The following SQLE variants were observed in gnomAD, a reference collection of about 807,000 sequenced individuals.
The protein encoded by SQLE is squalene monooxygenase.
In SQLE, 29 loss-of-function variants were observed where a neutral mutation model predicts 60.7. That is an observed-to-expected ratio of 0.48 (90% CI 0.36 to 0.65). The LOEUF is 0.65. SQLE is among the 30% of genes least tolerant of loss of function. The pLI is 0.00. For synonymous variants in SQLE, 237 were observed against 246.8 expected, an observed-to-expected ratio of 0.96 and a Z score of 0.37; for missense variants, 605 against 684.1, an observed-to-expected ratio of 0.88 and a Z score of 1.29.
Position 125,020,809 on chromosome 8 carries a change from C to T in SQLE, c.1470C>T (p.Ala490=). 1 of 1,612,686 alleles carries T rather than the reference C, an allele frequency of 6.2e-7. No individual in the cohort carries two copies. The highest frequency in any genetic ancestry group is 8.5e-7 in the Non-Finnish European group (1 of 1,179,024). ...TDDSLHQLRK[A]CFLYFKLGGE... Reference sequence around the variant, plus strand: ...ATTCCCTGCATCAACTAAGAAAAGCCTGTTTTCTTTATTTCAAACTTGGTG... The same window carrying T: ...ATTCCCTGCATCAACTAAGAAAAGCTTGTTTTCTTTATTTCAAACTTGGTG... Residue 490 remains alanine (A), a synonymous_variant, in exon 10 of 11, where the codon GCC becomes GCT. Transcript: ENST00000265896.
chr8:125,003,109 C>T, intron 1 of SQLE, 67 bp from the exon 2 acceptor site: 2 of 1,463,330 alleles, frequency 1.4e-6, no homozygotes, highest in Admixed American at 5.1e-5. Flanking sequence ...AGTGTGTCCA[C>T]ATAGCGGTAG....
chr8:125,013,356 CTTTTTTTTT>C (rs1554588049), intron 7 of SQLE, among the ~76,000 whole-genome samples: 1 of 136,450 alleles, frequency 7.3e-6, no homozygotes, highest in African/African-American at 2.8e-5. Flanking sequence ...TTTTCTTTTT[CTTTTTTTTT>C]TTTTGAGATG....
chr8:125,018,630 G>C lies in SQLE; in HGVS notation c.1348-1G>C, dbSNP rs778646625. The C allele has an allele frequency of 6.3e-7, 1 of 1,593,078 alleles. No homozygotes were observed. Among genetic ancestry groups the C allele is most frequent in the Non-Finnish European group, 8.5e-7 (1 of 1,172,238 alleles). ...TAATAAATGAGCTATTTCTTTTTTA[G>C]GCCAAAAAATCATTTTACTGGGCAA... On this transcript the variant is annotated splice_acceptor_variant, in intron 8 of 10. Transcript: ENST00000265896. LOFTEE classifies it high-confidence loss of function.
intron 1 of SQLE, among the ~76,000 whole-genome samples, chr8:125,002,400 G>A (rs527362751): frequency 2.0e-4 from 31 of 152,262 alleles, no homozygotes; most frequent in Non-Finnish European, 2.8e-4. Flanking sequence ...ATCTAAGGCC[G>A]CACGCAGTGG....
At chr8:125,011,690 G>A (rs901749235) in intron 7 of SQLE, 58 bp downstream of exon 7, 1 of 1,384,622 alleles carries the variant, frequency 7.2e-7, no homozygotes, top group African/African-American at 1.4e-5. Context: ...ACAAATATAT[G>A]ATTAAATTTA....
intron 7 of SQLE, among the ~76,000 whole-genome samples, chr8:125,017,333 C>T (rs576135774): frequency 1.5e-4 from 23 of 151,942 alleles, no homozygotes; most frequent in African/African-American, 4.6e-4. Flanking sequence ...AACCTTAAGA[C>T]ATATTCCTTC....
intron 10 of SQLE, 37 bp from the exon 11 acceptor site, chr8:125,021,716 T>G: frequency 6.8e-7 from 1 of 1,469,252 alleles, no homozygotes; most frequent in Non-Finnish European, 9.2e-7. Context: ...AATTTTAGTT[T>G]CTGAGTCTTA....
At chr8:125,006,993 G>C (rs7820721) in intron 3 of SQLE, among the ~76,000 whole-genome samples, 2 of 151,938 alleles carry the variant, frequency 1.3e-5, no homozygotes, top group South Asian at 2.1e-4. Flanking sequence ...GTGAGCCACC[G>C]TGCCCTGCCA....
At chr8:125,007,337 A>T (rs1017103229) in intron 3 of SQLE, 54 bp from the exon 4 acceptor site, 70 of 1,341,356 alleles carry the variant, frequency 5.2e-5, no homozygotes, top group Non-Finnish European at 7.0e-5. Flanking sequence ...TTTATATTTA[A>T]TTTAAATTGC....
chr8:125,017,897 T>A (rs1815135082), intron 7 of SQLE, 162 bp from the exon 8 acceptor site: 2 of 787,134 alleles, frequency 2.5e-6, no homozygotes, highest in South Asian at 1.9e-5. Context: ...AAACAACTCT[T>A]GAATTTTTGC....
intron 7 of SQLE, among the ~76,000 whole-genome samples, chr8:125,014,606 T>C (rs1286779817): frequency 2.6e-5 from 4 of 152,340 alleles, no homozygotes; most frequent in Middle Eastern, 3.4e-3. Context: ...ATATTGTCTT[T>C]GCATTTTTAT....
Position 125,003,203 on chromosome 8 carries a change from A to G in SQLE, c.319A>G (p.Thr107Ala). Residue 107 changes from threonine to alanine, a missense_variant, in exon 2 of 11, where the codon ACA becomes GCA. Coordinates refer to ENST00000265896, the MANE Select transcript of SQLE (RefSeq NM_003129.4). ...RRRKGTNISETSLIGTAACTS... is the reference protein window; with the variant it reads ...RRRKGTNISEASLIGTAACTS... Reference sequence around the variant, plus strand: ...CAGAAAAGGAACCAATATTTCAGAAACAAGCTTAATAGGAACAGCTGCCTG... The same window carrying G: ...CAGAAAAGGAACCAATATTTCAGAAGCAAGCTTAATAGGAACAGCTGCCTG... 1.2e-6 allele frequency: 2 copies of G among 1,611,836 alleles called. No individual in the cohort carries two copies. Among genetic ancestry groups the G allele is most frequent in the Non-Finnish European group, 1.7e-6 (2 of 1,179,178 alleles).
intron 9 of SQLE, chr8:125,019,110 T>G: frequency 1.1e-5 from 2 of 182,314 alleles, no homozygotes; most frequent in South Asian, 2.5e-4. Flanking sequence ...TAAAGTAGTA[T>G]TTTATAAAAT....
chr8:125,004,969 C>T (rs1814924487), intron 2 of SQLE, among the ~76,000 whole-genome samples: 1 of 152,116 alleles, frequency 6.6e-6, no homozygotes, highest in Admixed American at 6.5e-5. Context: ...AAGTTCTTTG[C>T]AGTTTGTCCT....
intron 9 of SQLE, 142 bp from the exon 10 acceptor site, chr8:125,020,642 C>A (rs911983677): frequency 2.9e-5 from 17 of 579,048 alleles, no homozygotes; most frequent in Non-Finnish European, 5.3e-5. Flanking sequence ...AGAAGAAATC[C>A]TGGTTGTTGA....
At position 125,005,712 on chromosome 8, in the gene SQLE, C is replaced by A; in HGVS notation, c.725+7C>A. 2 of 1,539,652 alleles carry A rather than the reference C, an allele frequency of 1.3e-6. No individual in the cohort carries two copies. Among genetic ancestry groups the A allele is most frequent in the Non-Finnish European group, 1.8e-6 (2 of 1,135,308 alleles). ...CAGCTATGGCAGAGCCCAAGTAAGA[C>A]CACAGTTTCAAATATATAATTACTA... On this transcript the variant is annotated splice_region_variant and intron_variant, in intron 3 of 10. Coordinates refer to ENST00000265896, the MANE Select transcript of SQLE (RefSeq NM_003129.4).
Position 125,003,460 on chromosome 8 carries a change from G to A in SQLE, c.544+32G>A, listed in dbSNP as rs142640777. The A allele has an allele frequency of 4.3e-3, 6,933 of 1,609,300 alleles. 30 individuals are homozygous for A. Among genetic ancestry groups the A allele is most frequent in the Non-Finnish European group, 5.2e-3 (6,066 of 1,177,102 alleles). ...TCATATTGATTTTCAGGAGAGTTAC[G>A]TGGTATGAACAAGCACTCTTCACTT... On this transcript the variant is annotated intron_variant, in intron 2 of 10. Coordinates refer to ENST00000265896, the MANE Select transcript of SQLE (RefSeq NM_003129.4).
At chr8:125,005,828 A>G (rs995270315) in intron 3 of SQLE, 123 bp downstream of exon 3, 1 of 676,550 alleles carries the variant, frequency 1.5e-6, no homozygotes, top group Non-Finnish European at 2.1e-6. Flanking sequence ...ACATATGTAT[A>G]TTAAAATAAA....
chr8:125,013,651 C>T (rs186601385), intron 7 of SQLE, among the ~76,000 whole-genome samples: 7 of 152,270 alleles, frequency 4.6e-5, no homozygotes, highest in Admixed American at 1.3e-4. Flanking sequence ...CCATGCCTGG[C>T]CTGTTACTCC....
Sources: gnomAD v4.1 joint callset for allele counts (sites outside exome capture counted in the v4.1 genomes callset) on GRCh38, gnomAD v4.1.1 for gene constraint, MANE v1.5 for transcripts, NCBI Gene and HGNC (gene_info 2026-07-23, HGNC 2026-07-21) for gene names.